KCNK3: variants seen among roughly 807,000 people sequenced by gnomAD.
KCNK3 encodes potassium channel subfamily K member 3.
KCNK3 carries 9 observed loss-of-function variants against 27.3 expected under a neutral mutation model. The ratio of observed to expected loss-of-function variants is 0.33; its 90% CI spans 0.20 to 0.57. The LOEUF (loss-of-function observed/expected upper bound fraction) is 0.57. Ranked by LOEUF, KCNK3 falls within the 20% of genes least tolerant of loss-of-function variation. KCNK3 has a pLI of 0.87. For missense variants in KCNK3, 391 were observed against 577.7 expected, an observed-to-expected ratio of 0.68 and a Z score of 3.31; for synonymous variants, 278 against 273.8, an observed-to-expected ratio of 1.02 and a Z score of -0.15.
chr2:26,697,606 G>T (rs1276063489), intron 1 of KCNK3, among the ~76,000 whole-genome samples: 1 of 152,088 alleles, frequency 6.6e-6, no homozygotes, highest in African/African-American at 2.4e-5. Flanking sequence ...GACCAAACCA[G>T]ACGACTTGTC....
At position 26,728,207 on chromosome 2, in the gene KCNK3, G is replaced by C. The variant is rs764611480; in HGVS notation, c.824G>C (p.Gly275Ala). 39 of 1,562,638 alleles carry C rather than the reference G, an allele frequency of 2.5e-5. No homozygotes were observed. The Middle Eastern group carries it at 1.0e-3, about 40-fold the overall frequency. ...AACGGGCAGGCGGGCGGCGGCGGAG[G>C]GGGTGGCAGCGCGCACACTACGGAC... ...TRNGQAGGGG[G>A]GGSAHTTDTA... Residue 275 changes from glycine (G) to alanine (A), a missense_variant, in exon 2 of 2, where the codon GGG becomes GCG. By Grantham distance (60) the Gly-to-Ala change is moderately conservative. This residue lies in a region of KCNK3 where 192 missense variants were observed against 196.0 expected (regional missense o/e 0.98). Coordinates refer to ENST00000302909, the MANE Select transcript of KCNK3 (RefSeq NM_002246.3).
At chr2:26,727,598 GAGA>G (rs1663445404) in intron 1 of KCNK3, 66 bp from the exon 2 acceptor site, 3 of 1,512,832 alleles carry the variant, frequency 2.0e-6, no homozygotes, top group Non-Finnish European at 1.8e-6. Flanking sequence ...AACGGGGAGG[GAGA>G]AGAAGGTTTC....
chr2:26,713,632 A>G (rs13398601), intron 1 of KCNK3, among the ~76,000 whole-genome samples: 10,068 of 151,434 alleles, frequency 0.066, 1,116 homozygotes, highest in African/African-American at 0.23. Context: ...AATACAAAAA[A>G]TTTGCTGGGT....
chr2:26,715,688 G>A (rs1459826223), intron 1 of KCNK3, among the ~76,000 whole-genome samples: 1 of 152,238 alleles, frequency 6.6e-6, no homozygotes, highest in African/African-American at 2.4e-5. Flanking sequence ...TGAGGGCCGG[G>A]AGGGTGTAGG....
intron 1 of KCNK3, among the ~76,000 whole-genome samples, chr2:26,710,854 A>AG (rs1248566317): frequency 6.6e-6 from 1 of 152,198 alleles, no homozygotes; most frequent in Non-Finnish European, 1.5e-5. Flanking sequence ...AAAGCCTGAC[A>AG]GGGGGCTGCA....
chr2:26,720,250 G>A lies in KCNK3; in HGVS notation c.284-7417G>A, dbSNP rs1005697993. Among the ~76,000 whole-genome samples the A allele has an allele frequency of 2.0e-5, 3 of 152,166 alleles. No homozygotes were observed. The South Asian group carries it at 6.2e-4, about 31-fold the overall frequency. On this transcript the variant is annotated intron_variant, in intron 1 of 1. Transcript: ENST00000302909. Reference sequence around the variant, plus strand: ...AGCCTGGGCAACACAGCGAGATTCCGTCTCAAAGAAACAAAACAAAACAAA... The same window carrying A: ...AGCCTGGGCAACACAGCGAGATTCCATCTCAAAGAAACAAAACAAAACAAA...
In KCNK3 at chr2:26,721,592, G is replaced by T. The variant is rs2148267580; in HGVS notation, c.284-6075G>T. On this transcript the variant is annotated intron_variant, in intron 1 of 1. Coordinates refer to ENST00000302909, the MANE Select transcript of KCNK3 (RefSeq NM_002246.3). This position sits in a 1 kb window ranked among gnomAD's most constrained non-coding sequence, Gnocchi z 4.3. ...CTGGTTCCTCGTGGGCCCTCCCCTG[G>T]GTGCCCTCTGAGCCCAGCTGCCCTC... Among the ~76,000 whole-genome samples, 1 of 152,226 alleles carries T rather than the reference G, an allele frequency of 6.6e-6. No homozygotes were observed. The highest frequency in any genetic ancestry group is 1.5e-5 in the Non-Finnish European group (1 of 68,006).
At chr2:26,700,724 T>TCACCAC (rs1178339596) in intron 1 of KCNK3, among the ~76,000 whole-genome samples, 1 of 80,814 alleles carries the variant, frequency 1.2e-5, no homozygotes, top group African/African-American at 4.8e-5. Context: ...TTCATCATCA[T>TCACCAC]CATCACCATC....
intron 1 of KCNK3, among the ~76,000 whole-genome samples, chr2:26,724,889 T>C (rs1558603500): frequency 6.7e-6 from 1 of 149,836 alleles, no homozygotes; most frequent in Non-Finnish European, 1.5e-5. Context: ...GGAAGCACTG[T>C]GGAGAGGAGG....
rs1484487042 is a variant in KCNK3, at chr2:26,732,616, G to C, written c.*4048G>C. The C allele has an allele frequency of 6.6e-6, 1 of 152,274 alleles. No individual in the cohort carries two copies. The highest frequency in any genetic ancestry group is 1.9e-4 in the East Asian group (1 of 5,194). The allele number at this position is 152,274 out of a possible 1,614,324, so 9.4% of individuals were successfully genotyped here. A position where few individuals can be genotyped will look rare whatever the true frequency, so the allele number is the denominator to read the frequency against. ...GTGACAGCACTCCTGGCAGCTCCTT[G>C]TTGGCCTGCAGCCCTCAGGGGGCTT... On this transcript the variant is annotated 3_prime_UTR_variant, in exon 2 of 2. Coordinates refer to ENST00000302909, the MANE Select transcript of KCNK3 (RefSeq NM_002246.3).
At position 26,728,284 on chromosome 2, in the gene KCNK3, G is replaced by T; in HGVS notation, c.901G>T (p.Ala301Ser). The change falls in exon 2 of 2, where the codon GCG (alanine) becomes TCG (serine). Residue 301 changes from alanine (A) to serine (S), a missense_variant. Ala to Ser is a moderately conservative substitution (Grantham distance 99). Coordinates refer to ENST00000302909, the MANE Select transcript of KCNK3 (RefSeq NM_002246.3). ...CGGCGGCGGCTTCCGCAACGTCTAC[G>T]CGGAGGTGCTGCACTTCCAGTCCAT... The part of the protein sequence containing the change: ...AGGGGFRNVY[A>S]EVLHFQSMCS... 1 of 1,596,038 alleles carries T rather than the reference G, an allele frequency of 6.3e-7. No homozygotes were observed.
At chr2:26,707,161 G>A (rs913918055) in intron 1 of KCNK3, among the ~76,000 whole-genome samples, 5 of 152,200 alleles carry the variant, frequency 3.3e-5, no homozygotes, top group Non-Finnish European at 7.3e-5. Flanking sequence ...GTGTGGCCGA[G>A]GTCCTGCTTA....
chr2:26,698,669 T>C (rs1670264972), intron 1 of KCNK3, among the ~76,000 whole-genome samples: 1 of 152,068 alleles, frequency 6.6e-6, no homozygotes, highest in Non-Finnish European at 1.5e-5. Context: ...AACAGTGAGG[T>C]TGAGGGCCAG....
intron 1 of KCNK3, among the ~76,000 whole-genome samples, chr2:26,712,290 C>T (rs1042017336): frequency 6.6e-6 from 1 of 152,152 alleles, no homozygotes; most frequent in African/African-American, 2.4e-5. Context: ...TTGCTGTCTC[C>T]ACGGAGGACA....
chr2:26,695,556 A>T (rs1055769925), intron 1 of KCNK3, among the ~76,000 whole-genome samples: 1 of 152,188 alleles, frequency 6.6e-6, no homozygotes, highest in Non-Finnish European at 1.5e-5. Context: ...TTATAGGGGA[A>T]GTGTTTTGTC....
chr2:26,704,415 T>G (rs1670345658), intron 1 of KCNK3, among the ~76,000 whole-genome samples: 1 of 152,194 alleles, frequency 6.6e-6, no homozygotes, highest in African/African-American at 2.4e-5. Context: ...CGTACCCTCC[T>G]TGATTTCTGC....
At position 26,692,768 on chromosome 2, in the gene KCNK3, G is replaced by A; in HGVS notation, c.-108G>A. The A allele has an allele frequency of 1.8e-6, 1 of 552,610 alleles. No individual in the cohort carries two copies. Among genetic ancestry groups the A allele is most frequent in the Non-Finnish European group, 2.3e-6 (1 of 436,186 alleles). 34.2% of individuals were successfully genotyped at this position (552,610 alleles called of 1,614,324 possible). A position where few individuals can be genotyped will look rare whatever the true frequency, so the allele number is the denominator to read the frequency against. On this transcript the variant is annotated 5_prime_UTR_variant, in exon 1 of 2. Transcript: ENST00000302909. The surrounding 1 kb of genome is among the most constrained non-coding windows in gnomAD (Gnocchi z 5.6). ...TGAGCGGGTGCCCGGCGCGGAGAGC[G>A]GCGAGCGCAGCCATGCCCCAGGCCG...
chr2:26,728,538 C>A lies in KCNK3; in HGVS notation c.1155C>A (p.Arg385=), dbSNP rs1663475667. 6.8e-7 allele frequency: 1 copy of A among 1,469,148 alleles called. No homozygotes were observed. Among genetic ancestry groups the A allele is most frequent in the East Asian group, 2.5e-5 (1 of 39,466 alleles). The allele number at this position is 1,469,148 out of a possible 1,614,324, so 91.0% of individuals were successfully genotyped here. ...STGLHSLSTF[R]GLMKRRSSV is the part of the protein sequence containing the mutation. ...GTCTGCACAGCCTGTCCACCTTCCGCGGCCTCATGAAGCGCAGGAGCTCCG... is the reference window on the plus strand; with the variant it reads ...GTCTGCACAGCCTGTCCACCTTCCGAGGCCTCATGAAGCGCAGGAGCTCCG... Residue 385 remains arginine (R), a synonymous_variant, in exon 2 of 2, where the codon CGC becomes CGA. Transcript: ENST00000302909.
rs973858224 is a variant in KCNK3 at position 26,721,940 on chromosome 2, A to G, written c.284-5727A>G. Among the ~76,000 whole-genome samples the G allele has an allele frequency of 1.3e-5, 2 of 152,222 alleles. No homozygotes were observed. The highest frequency in any genetic ancestry group is 4.8e-5 in the African/African-American group (2 of 41,464). On this transcript the variant is annotated intron_variant, in intron 1 of 1. Coordinates refer to ENST00000302909, the MANE Select transcript of KCNK3 (RefSeq NM_002246.3). The surrounding 1 kb of genome is among the most constrained non-coding windows in gnomAD (Gnocchi z 4.3). ...TTCTAATCTACAGAAGGGCTGGGCC[A>G]CCCAGAGAAGGAGATCAAAGAATCA...
Sources: allele counts gnomAD v4.1 joint callset (sites outside exome capture counted in the v4.1 genomes callset), GRCh38; gene constraint gnomAD v4.1.1; regional missense constraint gnomAD v4.1.1; non-coding constraint Gnocchi (gnomAD v3.1); transcripts MANE v1.5; gene names NCBI Gene and HGNC (gene_info 2026-07-23, HGNC 2026-07-21).